VAV1: variants seen among roughly 807,000 people sequenced by gnomAD.
VAV1 encodes proto-oncogene vav.
Under a neutral mutation model 128.1 loss-of-function variants are expected in VAV1, and 33 were observed. That is an observed-to-expected ratio of 0.26 (90% CI 0.20 to 0.34). VAV1 has a LOEUF of 0.34. VAV1 is among the 10% of genes least tolerant of loss of function. The pLI, the probability that VAV1 is intolerant of heterozygous loss-of-function variation, is 1.00. For synonymous variants in VAV1, 394 were observed against 409.8 expected (o/e 0.96, Z 0.47); for missense variants, 715 against 1,093.7 (o/e 0.65, Z 4.88).
chr19:6,818,886 C>T (rs1055722212), intron 1 of VAV1, among the ~76,000 whole-genome samples: 1 of 152,168 alleles, frequency 6.6e-6, no homozygotes, highest in South Asian at 2.1e-4. Flanking sequence ...GAGGCCGAGG[C>T]GGGTGGATCA....
At chr19:6,774,318 AG>A (rs1471266894) in intron 1 of VAV1, among the ~76,000 whole-genome samples, 1 of 149,406 alleles carries the variant, frequency 6.7e-6, no homozygotes, top group Non-Finnish European at 1.5e-5. Flanking sequence ...TAGTAGAGAC[AG>A]GGGTTTCACC....
chr19:6,833,784 C>T (rs146135758), intron 18 of VAV1, 51 bp downstream of exon 18: 27 of 1,613,610 alleles, frequency 1.7e-5, no homozygotes, highest in East Asian at 8.9e-5. Context: ...TGGGCAACAG[C>T]GCGGGGAGGA....
In VAV1 at chr19:6,772,760, T is replaced by C. The variant is rs1222461966; in HGVS notation, c.-48T>C. On this transcript the variant is annotated 5_prime_UTR_variant, in exon 1 of 27. Transcript: ENST00000602142. This position sits in a 1 kb window ranked among gnomAD's most constrained non-coding sequence, Gnocchi z 4.8. The stretch of plus-strand genomic sequence containing the variant: ...CAGGGCAGGCGTGCGGGCGGGTGGG[T>C]GGTGGAGGCTGCGAGGGTGCACGGC... 4 of 1,578,418 alleles carry C rather than the reference T, an allele frequency of 2.5e-6. No individual in the cohort carries two copies. The highest frequency in any genetic ancestry group is 2.7e-5 in the African/African-American group (2 of 74,062).
chr19:6,845,132 G>A (rs1972487313), intron 22 of VAV1, among the ~76,000 whole-genome samples: 1 of 152,138 alleles, frequency 6.6e-6, no homozygotes, highest in Non-Finnish European at 1.5e-5. Flanking sequence ...TGTAATCTCA[G>A]CTCTTTGGGA....
intron 23 of VAV1, 50 bp downstream of exon 23, chr19:6,848,164 G>A (rs1972572707): frequency 6.7e-7 from 1 of 1,490,524 alleles, no homozygotes; most frequent in Non-Finnish European, 8.9e-7. Flanking sequence ...GGGCCCTGCG[G>A]GCCTGGGAAA....
chr19:6,776,159 C>CCCATCCATCCAT (rs56714339), intron 1 of VAV1, among the ~76,000 whole-genome samples: 37 of 130,364 alleles, frequency 2.8e-4, no homozygotes, highest in African/African-American at 1.1e-3. Flanking sequence ...CATCTATCCA[C>CCCATCCATCCAT]CCATCCATCC....
chr19:6,808,523 G>A (rs945035918), intron 1 of VAV1, among the ~76,000 whole-genome samples: 1 of 152,106 alleles, frequency 6.6e-6, no homozygotes, highest in South Asian at 2.1e-4. Context: ...GGCTGGCATG[G>A]TCCTTTCTAC....
At position 6,825,340 on chromosome 19, in the gene VAV1, T is replaced by C. The variant is rs747143456; in HGVS notation, c.761T>C (p.Met254Thr). ...LRVHTHFLKE[M>T]KEALGTPGAA... is the part of the protein sequence containing the mutation. ...GTTCATACTCACTTCCTAAAGGAGA[T>C]GAAGGAAGCCCTGGGCACCCCTGGC... The change falls in exon 8 of 27, where the codon ATG (methionine) becomes ACG (threonine). Residue 254 changes from methionine (M) to threonine (T), a missense_variant. Coordinates refer to ENST00000602142, the MANE Select transcript of VAV1 (RefSeq NM_005428.4). The C allele has an allele frequency of 1.2e-6, 2 of 1,613,550 alleles. No individual in the cohort carries two copies. The highest frequency in any genetic ancestry group is 8.5e-7 in the Non-Finnish European group (1 of 1,179,870).
intron 1 of VAV1, among the ~76,000 whole-genome samples, chr19:6,785,657 CTTTCTT>C (rs1421803750): frequency 3.3e-4 from 43 of 131,800 alleles, no homozygotes; most frequent in African/African-American, 1.2e-3. Flanking sequence ...TTCTTTCTTT[CTTTCTT>C]TTTTTTTTTT....
chr19:6,823,486 A>G (rs1971845859), intron 6 of VAV1, among the ~76,000 whole-genome samples: 1 of 151,068 alleles, frequency 6.6e-6, no homozygotes, highest in African/African-American at 2.4e-5. Context: ...AAGTATGTAT[A>G]AGATATGTAA....
In VAV1 at chr19:6,852,048, C is replaced by CTTG. The variant is rs1307904046; in HGVS notation, c.2218-916_2218-915insTGT. Among the ~76,000 whole-genome samples the CTTG allele has an allele frequency of 7.2e-5, 11 of 152,298 alleles. No individual in the cohort carries two copies. In the East Asian group the frequency reaches 1.2e-3, roughly 16 times the overall value. ...AAAATACAAGAGACAGGGTCTTGCT[C>CTTG]TGTGGCCCAGGCTAGAGTGCAATGT... On this transcript the variant is annotated intron_variant, in intron 24 of 26. Transcript: ENST00000602142.
chr19:6,831,529 G>A (rs776108211), intron 14 of VAV1, among the ~76,000 whole-genome samples: 1 of 152,096 alleles, frequency 6.6e-6, no homozygotes, highest in South Asian at 2.1e-4. Flanking sequence ...GGTCAGGCTG[G>A]TCTCAAACTC....
At chr19:6,791,484 C>T (rs1226015041) in intron 1 of VAV1, among the ~76,000 whole-genome samples, 5 of 152,204 alleles carry the variant, frequency 3.3e-5, no homozygotes, top group East Asian at 3.9e-4. Flanking sequence ...GCTACCTCCT[C>T]GTCTCAAGGT....
chr19:6,836,652 A>G (rs1972229263), intron 20 of VAV1, 84 bp downstream of exon 20: 2 of 1,561,478 alleles, frequency 1.3e-6, no homozygotes, highest in African/African-American at 1.4e-5. Context: ...GTTGGGTCAT[A>G]GTTCCACCAT....
chr19:6,816,017 AT>A (rs1157742259), intron 1 of VAV1, among the ~76,000 whole-genome samples: 3,112 of 133,702 alleles, frequency 0.023, 78 homozygotes, highest in African/African-American at 0.075. Flanking sequence ...GTCTCTACAA[AT>A]TTTTTTTTTT....
At chr19:6,854,669 T>C (rs1346997980) in intron 26 of VAV1, among the ~76,000 whole-genome samples, 1 of 151,986 alleles carries the variant, frequency 6.6e-6, no homozygotes, top group African/African-American at 2.4e-5. Context: ...GAGCTATGAT[T>C]GTGCCACTGC....
chr19:6,824,150 A>G (rs1971858976), intron 6 of VAV1, among the ~76,000 whole-genome samples: 2 of 152,042 alleles, frequency 1.3e-5, no homozygotes, highest in African/African-American at 4.8e-5. Context: ...TATGTTGCCC[A>G]GGCTGGTCTC....
intron 1 of VAV1, among the ~76,000 whole-genome samples, chr19:6,779,219 A>AT (rs1010535077): frequency 1.9e-4 from 28 of 150,860 alleles, no homozygotes; most frequent in African/African-American, 5.8e-4. Flanking sequence ...TACCTGGCTA[A>AT]TTTTTTATTT....
chr19:6,852,459 C>T (rs1390234423), intron 24 of VAV1, among the ~76,000 whole-genome samples: 4 of 152,176 alleles, frequency 2.6e-5, no homozygotes, highest in African/African-American at 7.2e-5. Context: ...CGGTGGCTCA[C>T]GCCTGTAATC....
Sources: allele counts gnomAD v4.1 joint callset (sites outside exome capture counted in the v4.1 genomes callset), GRCh38; gene constraint gnomAD v4.1.1; non-coding constraint Gnocchi (gnomAD v3.1); transcripts MANE v1.5; gene names NCBI Gene and HGNC (gene_info 2026-07-23, HGNC 2026-07-21).